Variants in PRKCH observed in about 807,000 individuals in gnomAD.
PRKCH encodes the protein protein kinase C eta.
Under a neutral mutation model 82.5 loss-of-function variants are expected in PRKCH, and 28 were observed. The observed-to-expected ratio is 0.34, with a 90% CI of 0.25 to 0.47. The LOEUF is 0.47. Ranked by LOEUF, PRKCH falls within the 20% of genes least tolerant of loss-of-function variation. The probability of loss-of-function intolerance (pLI) is 1.00; values close to 1 mark genes in which losing one functional copy is unlikely to be tolerated. For missense variants in PRKCH, 705 were observed against 881.8 expected (o/e 0.80, Z 2.54); for synonymous variants, 322 against 327.4 (o/e 0.98, Z 0.18).
At chr14:61,398,538 A>G (rs1414152687) in intron 2 of PRKCH, among the ~76,000 whole-genome samples, 2 of 152,176 alleles carry the variant, frequency 1.3e-5, no homozygotes, top group Admixed American at 1.3e-4. Context: ...GGAACCACAA[A>G]CTTAAATGGT....
At position 61,542,160 on chromosome 14, in the gene PRKCH, C is replaced by T. The variant is rs146982428; in HGVS notation, c.1762-5583C>T. Among the ~76,000 whole-genome samples, 798 of 152,030 alleles carry T rather than the reference C, an allele frequency of 5.2e-3. 13 individuals carry two copies. The highest frequency in any genetic ancestry group is 0.019 in the African/African-American group (771 of 41,448). On this transcript the variant is annotated intron_variant, in intron 12 of 13. Coordinates refer to ENST00000332981, the MANE Select transcript of PRKCH (RefSeq NM_006255.5). ...CAAAAATTAGTCGGGCGTGGTGGTG[C>T]ACACCTGTAATCCCAGCTACTCGGG...
chr14:61,285,048 A>G (rs187890037), intron 1 of PRKCH, among the ~76,000 whole-genome samples: 48 of 152,308 alleles, frequency 3.2e-4, no homozygotes, highest in Non-Finnish European at 6.5e-4. Flanking sequence ...CAGTATTCCA[A>G]AGTATATGAT....
At position 61,457,276 on chromosome 14, in the gene PRKCH, A is replaced by C; in HGVS notation, c.1061A>C (p.Asn354Thr). 1 of 1,614,192 alleles carries C rather than the reference A, an allele frequency of 6.2e-7. No homozygotes were observed. Among genetic ancestry groups the C allele is most frequent in the South Asian group, 1.1e-5 (1 of 91,082 alleles). ...TCTTCCAACCGACTTGGTATCGACA[A>C]CTTTGAGTTCATCCGAGTGTTGGGG... Reference protein sequence around the residue: ...VNSSNRLGIDNFEFIRVLGKG... With the variant: ...VNSSNRLGIDTFEFIRVLGKG... The change falls in exon 8 of 14, where the codon AAC (asparagine) becomes ACC (threonine). Residue 354 changes from asparagine to threonine, a missense_variant. By Grantham distance (65) the Asn-to-Thr change is moderately conservative. This residue lies in a region of PRKCH where 238 missense variants were observed against 258.1 expected (regional missense o/e 0.92). Transcript: ENST00000332981.
At chr14:61,415,064 C>T (rs1394072123) in intron 2 of PRKCH, among the ~76,000 whole-genome samples, 1 of 152,166 alleles carries the variant, frequency 6.6e-6, no homozygotes, top group East Asian at 1.9e-4. Flanking sequence ...TGCTGTCTTT[C>T]AAACTCCTCT....
At chr14:61,279,307 A>G (rs549538559) in intron 1 of PRKCH, 1 of 152,320 alleles carries the variant, frequency 6.6e-6, no homozygotes, top group East Asian at 1.9e-4. Flanking sequence ...AATCATCAAG[A>G]GCTTCCTACG....
At chr14:61,545,605 C>T (rs2043245744) in intron 12 of PRKCH, among the ~76,000 whole-genome samples, 1 of 152,094 alleles carries the variant, frequency 6.6e-6, no homozygotes, top group South Asian at 2.1e-4. Context: ...AGGATGGCTG[C>T]ATCTAAAGGG....
chr14:61,513,368 A>G (rs2042775955), intron 10 of PRKCH, among the ~76,000 whole-genome samples: 1 of 152,178 alleles, frequency 6.6e-6, no homozygotes, highest in African/African-American at 2.4e-5. Flanking sequence ...AACAGATGCA[A>G]TCAGTGCAAG....
intron 9 of PRKCH, among the ~76,000 whole-genome samples, chr14:61,479,726 G>A (rs1046240906): frequency 2.6e-5 from 4 of 152,184 alleles, no homozygotes; most frequent in African/African-American, 9.7e-5. Context: ...AGCCCCTTGG[G>A]CCTGGGGAAG....
At chr14:61,248,570 T>C (rs1475970919) in intron 1 of PRKCH, among the ~76,000 whole-genome samples, 2 of 152,102 alleles carry the variant, frequency 1.3e-5, no homozygotes, top group African/African-American at 4.8e-5. Flanking sequence ...GCTTATGTGG[T>C]CAAAAGGGGC....
intron 1 of PRKCH, among the ~76,000 whole-genome samples, chr14:61,310,681 TC>T (rs1322452819): frequency 3.3e-5 from 5 of 152,202 alleles, no homozygotes; most frequent in African/African-American, 1.2e-4. Context: ...GTAGCCCTTT[TC>T]TCACAGCTCC....
At chr14:61,431,479 G>GTC (rs1197158394) in intron 2 of PRKCH, among the ~76,000 whole-genome samples, 1 of 152,072 alleles carries the variant, frequency 6.6e-6, no homozygotes, top group African/African-American at 2.4e-5. Context: ...ACTTGCCTTG[G>GTC]TCTCATTCTA....
At chr14:61,407,839 C>A (rs1360578424) in intron 2 of PRKCH, among the ~76,000 whole-genome samples, 1 of 152,204 alleles carries the variant, frequency 6.6e-6, no homozygotes, top group Non-Finnish European at 1.5e-5. Flanking sequence ...TTACAGACTG[C>A]CCATGGGCTG....
At chr14:61,449,385 C>G in intron 5 of PRKCH, 133 bp downstream of exon 5, 1 of 690,306 alleles carries the variant, frequency 1.4e-6, no homozygotes. Context: ...CTGCTTTCCT[C>G]CCCCTGCCAC....
intron 9 of PRKCH, among the ~76,000 whole-genome samples, chr14:61,460,672 G>C (rs1317754067): frequency 6.6e-6 from 1 of 152,164 alleles, no homozygotes; most frequent in Non-Finnish European, 1.5e-5. Context: ...TGGTCTGACG[G>C]CAGAGTCCAG....
At chr14:61,375,128 G>T (rs978705213) in intron 1 of PRKCH, among the ~76,000 whole-genome samples, 5 of 151,998 alleles carry the variant, frequency 3.3e-5, no homozygotes, top group Admixed American at 2.6e-4. Context: ...CAAGTTTAGA[G>T]TTCCACAGAT....
chr14:61,395,643 C>G, intron 2 of PRKCH, among the ~76,000 whole-genome samples: 1 of 152,138 alleles, frequency 6.6e-6, no homozygotes, highest in East Asian at 1.9e-4. Flanking sequence ...AAGTGCTTTG[C>G]AAACTATAAA....
chr14:61,394,144 A>G (rs140004822), intron 2 of PRKCH, among the ~76,000 whole-genome samples: 2 of 152,102 alleles, frequency 1.3e-5, no homozygotes, highest in Non-Finnish European at 2.9e-5. Context: ...CTTTCAGCCA[A>G]CCATTCCCAT....
At chr14:61,292,626 C>G (rs1594894952) in intron 1 of PRKCH, among the ~76,000 whole-genome samples, 1 of 151,926 alleles carries the variant, frequency 6.6e-6, no homozygotes, top group East Asian at 1.9e-4. Flanking sequence ...CAAAAATTAG[C>G]CAGGCATAGT....
At chr14:61,321,455 CGGCGCAAGCG>C (rs2045620195), upstream of PRKCH, among the ~76,000 whole-genome samples, 1 of 152,212 alleles carries the variant, frequency 6.6e-6, no homozygotes, top group Non-Finnish European at 1.5e-5. The surrounding 1 kb of genome is among the most constrained non-coding windows in gnomAD (Gnocchi z 4.1). Flanking sequence ...GCGCGCAGGG[CGGCGCAAGCG>C]GGCACTGGCC....
Sources: gnomAD v4.1 joint callset for allele counts (sites outside exome capture counted in the v4.1 genomes callset) on GRCh38, gnomAD v4.1.1 for gene constraint, gnomAD v4.1.1 regional missense constraint, Gnocchi (gnomAD v3.1) non-coding constraint, MANE v1.5 for transcripts, NCBI Gene and HGNC (gene_info 2026-07-23, HGNC 2026-07-21) for gene names.